LRRK2: variants seen among roughly 807,000 people sequenced by gnomAD.
The protein encoded by LRRK2 is leucine rich repeat kinase 2, also known as leucine-rich repeat serine/threonine-protein kinase 2.
A neutral mutation model predicts 302.6 loss-of-function variants in LRRK2; 203 were observed. The observed-to-expected ratio is 0.67, with a 90% confidence interval of 0.60 to 0.75. LRRK2 has a LOEUF of 0.75. Among genes scored for constraint, LRRK2 ranks in the 30% least tolerant of loss-of-function variants. The pLI, the probability that LRRK2 is intolerant of heterozygous loss-of-function variation, is 0.00. For missense variants in LRRK2, 2,830 were observed against 2,951.0 expected, an observed-to-expected ratio of 0.96 and a Z score of 0.95; for synonymous variants, 1,066 against 1,031.9, an observed-to-expected ratio of 1.03 and a Z score of -0.63.
chr12:40,348,338 TA>T, intron 42 of LRRK2, 70 bp from the exon 43 acceptor site: 1 of 1,068,744 alleles, frequency 9.4e-7, no homozygotes, highest in Non-Finnish European at 1.4e-6. Context: ...GGACCTTTTA[TA>T]AACATTGAGA....
In LRRK2 at chr12:40,309,129, C is replaced by A; in HGVS notation, c.4213C>A (p.His1405Asn). 6.2e-7 allele frequency: 1 copy of A among 1,613,754 alleles called. No homozygotes were observed. The highest frequency in any genetic ancestry group is 1.1e-5 in the South Asian group (1 of 91,060). Residue 1405 changes from histidine to asparagine, a missense_variant, in exon 30 of 51, where the codon CAT (histidine) becomes AAT (asparagine). His to Asn is a moderately conservative substitution (Grantham distance 68, BLOSUM62 1). Transcript: ENST00000298910. ...FAGREEFYSTHPHFMTQRALY... is the reference protein window; with the variant it reads ...FAGREEFYSTNPHFMTQRALY... ...AGGTCGTGAGGAATTCTATAGTACT[C>A]ATCCCCATTTTATGACGCAGCGAGC...
chr12:40,340,171 G>A (rs1945995861), intron 40 of LRRK2, 123 bp from the exon 41 acceptor site: 2 of 937,458 alleles, frequency 2.1e-6, no homozygotes, highest in Non-Finnish European at 3.3e-6. Flanking sequence ...AACTTTAAGG[G>A]ACAAAGTGAG....
At chr12:40,273,098 A>G (rs1161532574) in intron 14 of LRRK2, among the ~76,000 whole-genome samples, 1 of 152,176 alleles carries the variant, frequency 6.6e-6, no homozygotes, top group Non-Finnish European at 1.5e-5. Flanking sequence ...TGTTTTAGAG[A>G]TGAGGAAGCT....
chr12:40,342,466 A>C (rs1946072926), intron 41 of LRRK2, among the ~76,000 whole-genome samples: 1 of 130,918 alleles, frequency 7.6e-6, no homozygotes, highest in Non-Finnish European at 1.6e-5. Flanking sequence ...CAGGCTGCTT[A>C]GTACTTTGTA....
intron 41 of LRRK2, among the ~76,000 whole-genome samples, chr12:40,342,725 G>A (rs142542728): frequency 1.8e-4 from 27 of 152,120 alleles, no homozygotes; most frequent in Admixed American, 9.8e-4. Context: ...TGTCTTTTCC[G>A]TTTAATGAAT....
Position 40,283,961 on chromosome 12 carries a change from G to A in LRRK2, c.2328G>A (p.Thr776=), listed in dbSNP as rs201443306. ...SREQDVRKAL[T]ISIGKGDSQI... ...AACAAGATGTACGAAAAGCGTTGAC[G>A]ATAAGCATTGGGAAAGGTGACAGCC... Residue 776 remains threonine (T), a synonymous_variant, in exon 19 of 51, where the codon ACG becomes ACA. Coordinates refer to ENST00000298910, the MANE Select transcript of LRRK2 (RefSeq NM_198578.4). 8 of 1,613,800 alleles carry A rather than the reference G, an allele frequency of 5.0e-6. No individual in the cohort carries two copies. Among genetic ancestry groups the A allele is most frequent in the East Asian group, 2.2e-5 (1 of 44,868 alleles).
chr12:40,340,682 ATGTT>A (rs1946012089), intron 41 of LRRK2, among the ~76,000 whole-genome samples: 1 of 152,240 alleles, frequency 6.6e-6, no homozygotes, highest in African/African-American at 2.4e-5. Flanking sequence ...AAAGAAGAGA[ATGTT>A]TGATATCAAG....
At chr12:40,252,527 A>G (rs1459112118) in intron 10 of LRRK2, among the ~76,000 whole-genome samples, 2 of 152,148 alleles carry the variant, frequency 1.3e-5, no homozygotes, top group African/African-American at 4.8e-5. Flanking sequence ...TAAATATATT[A>G]TTAAAACAAA....
intron 16 of LRRK2, among the ~76,000 whole-genome samples, 162 bp downstream of exon 16, chr12:40,275,155 A>AC (rs1943395880): frequency 6.6e-6 from 1 of 152,226 alleles, no homozygotes; most frequent in Non-Finnish European, 1.5e-5. Context: ...AATTGGATTG[A>AC]ATCTCTAAAG....
intron 12 of LRRK2, 60 bp downstream of exon 12, chr12:40,257,437 T>G: frequency 6.4e-7 from 1 of 1,552,974 alleles, no homozygotes; most frequent in South Asian, 1.1e-5. Context: ...AGAATATCAA[T>G]ATTTCAAGCA....
chr12:40,329,471 CATAAT>C (rs1204045226), intron 39 of LRRK2, among the ~76,000 whole-genome samples: 2 of 152,004 alleles, frequency 1.3e-5, no homozygotes, highest in Non-Finnish European at 2.9e-5. Flanking sequence ...GGTCTGTACT[CATAAT>C]TAAATTGTTC....
chr12:40,240,426 A>G lies in LRRK2; in HGVS notation c.572-57A>G, dbSNP rs950169906. ...ATAATGAATATTGTAATTTTTGAAT[A>G]ATTAAACTTTCATATCATCTTTAAG... On this transcript the variant is annotated intron_variant, in intron 5 of 50. Transcript: ENST00000298910. 210 of 1,492,944 alleles carry G rather than the reference A, an allele frequency of 1.4e-4. 1 individual carries two copies. Among genetic ancestry groups the G allele is most frequent in the Admixed American group, 2.4e-4 (14 of 58,852 alleles). 92.5% of individuals were successfully genotyped at this position (1,492,944 alleles called of 1,614,324 possible).
chr12:40,309,968 G>A (rs17520006), intron 30 of LRRK2, among the ~76,000 whole-genome samples: 1 of 152,104 alleles, frequency 6.6e-6, no homozygotes, highest in Non-Finnish European at 1.5e-5. Context: ...AGTCATATTT[G>A]CTTGAGTGGC....
At position 40,276,877 on chromosome 12, in the gene LRRK2, G is replaced by A. The variant is rs536018977; in HGVS notation, c.1942-1011G>A. Among the ~76,000 whole-genome samples the A allele has an allele frequency of 3.9e-5, 6 of 152,220 alleles. No individual in the cohort carries two copies. The South Asian group carries it at 8.3e-4, about 21-fold the overall frequency. On this transcript the variant is annotated intron_variant, in intron 16 of 50. Coordinates refer to ENST00000298910, the MANE Select transcript of LRRK2 (RefSeq NM_198578.4). ...AGATGGGGTCTCACTCTATGGCCCA[G>A]GCTAGAGTGCAGTGGCACAATCTCG...
rs760333235 is a variant in LRRK2, at chr12:40,298,277, G to T, written c.3131G>T (p.Ser1044Ile). The change falls in exon 24 of 51, where the codon AGT (serine) becomes ATT (isoleucine). Residue 1044 changes from serine to isoleucine, a missense_variant. Transcript: ENST00000298910. ...LKSLTHLDLH[S>I]NKFTSFPSYL... ...AGTTTGACACATTTGGACTTGCACAGTAATAAATTTACATCATTTCCTTCT... is the reference window on the plus strand; with the variant it reads ...AGTTTGACACATTTGGACTTGCACATTAATAAATTTACATCATTTCCTTCT... The T allele has an allele frequency of 2.5e-6, 4 of 1,613,632 alleles. No homozygotes were observed. The Admixed American group carries it at 6.7e-5, about 27-fold the overall frequency.
intron 3 of LRRK2, 194 bp downstream of exon 3, chr12:40,232,577 A>G: frequency 5.5e-6 from 3 of 547,122 alleles, no homozygotes; most frequent in Non-Finnish European, 9.7e-6. Flanking sequence ...TAGAAAGCAA[A>G]CATTTAAGGT....
At chr12:40,340,551 A>T in intron 41 of LRRK2, 97 bp downstream of exon 41, 1 of 1,239,784 alleles carries the variant, frequency 8.1e-7, no homozygotes, top group Non-Finnish European at 1.2e-6. Flanking sequence ...AACAGAGTCT[A>T]TCACATTGTG....
intron 25 of LRRK2, among the ~76,000 whole-genome samples, chr12:40,301,520 T>C (rs1447274340): frequency 6.6e-6 from 1 of 152,202 alleles, no homozygotes; most frequent in Non-Finnish European, 1.5e-5. Flanking sequence ...CTCAAGACTC[T>C]GAAGTCTTAA....
Position 40,317,837 on chromosome 12 carries a change from G to C in LRRK2, c.4828-2151G>C, listed in dbSNP as rs574321233. 3.9e-5 allele frequency among the ~76,000 whole-genome samples: 6 copies of C among 152,164 alleles called. No individual in the cohort carries two copies. In the East Asian group the frequency reaches 1.2e-3, roughly 29 times the overall value. On this transcript the variant is annotated intron_variant, in intron 33 of 50. Transcript: ENST00000298910. Reference sequence around the variant, plus strand: ...TTATTCTTATGTAACAAACCCCCTCGAAACTTGGAGGCTTAAAATGTGAAC... The same window carrying C: ...TTATTCTTATGTAACAAACCCCCTCCAAACTTGGAGGCTTAAAATGTGAAC...
Sources: allele counts gnomAD v4.1 joint callset (sites outside exome capture counted in the v4.1 genomes callset), GRCh38; gene constraint gnomAD v4.1.1; transcripts MANE v1.5; gene names NCBI Gene and HGNC (gene_info 2026-07-23, HGNC 2026-07-21).